Variants in NOX4 observed in about 807,000 individuals in gnomAD.
NOX4 encodes kidney oxidase-1.
NOX4 carries 69 observed loss-of-function variants against 87.6 expected under a neutral mutation model. That is an observed-to-expected ratio of 0.79 (90% CI 0.65 to 0.96). The LOEUF (loss-of-function observed/expected upper bound fraction) is 0.96, where lower values mean the gene tolerates loss of function less well. NOX4 is among the 40% of genes least tolerant of loss of function. The pLI is 0.00. For missense variants in NOX4, 680 were observed against 681.5 expected (o/e 1.00, Z 0.02); for synonymous variants, 275 against 238.2 (o/e 1.15, Z -1.42).
chr11:89,413,628 T>G (rs1168712153), intron 8 of NOX4, among the ~76,000 whole-genome samples: 1 of 151,970 alleles, frequency 6.6e-6, no homozygotes, highest in African/African-American at 2.4e-5. Flanking sequence ...AAATGAAAAC[T>G]GAACTCGTGA....
chr11:89,352,416 T>C (rs938803804), intron 13 of NOX4, among the ~76,000 whole-genome samples: 2 of 152,184 alleles, frequency 1.3e-5, no homozygotes, highest in African/African-American at 4.8e-5. Flanking sequence ...TGACTTTCAA[T>C]TGTTATTATT....
At chr11:89,481,316 C>G (rs1946382476) in intron 2 of NOX4, among the ~76,000 whole-genome samples, 1 of 151,496 alleles carries the variant, frequency 6.6e-6, no homozygotes, top group Non-Finnish European at 1.5e-5. Context: ...TGGTTCTATT[C>G]ATAATATTGA....
chr11:89,505,899 A>G, the NOX4 span, among the ~76,000 whole-genome samples: 2 of 151,868 alleles, frequency 1.3e-5, no homozygotes, highest in South Asian at 4.1e-4. Flanking sequence ...GGCTTTCAAG[A>G]CATTGGACAT....
rs780617130 is a variant in NOX4 at position 89,440,741 on chromosome 11, G to C, written c.448-26C>G. On this transcript the variant is annotated intron_variant, in intron 5 of 17. Coordinates refer to ENST00000263317, the MANE Select transcript of NOX4 (RefSeq NM_016931.5). Reference sequence around the variant, plus strand: ...CTGAGAAAAAGAAAAAAAAATAAATGATTAAAAACTAAAGCACTGATGATA... The same window carrying C: ...CTGAGAAAAAGAAAAAAAAATAAATCATTAAAAACTAAAGCACTGATGATA... 8 of 1,370,376 alleles carry C rather than the reference G, an allele frequency of 5.8e-6. No individual in the cohort carries two copies. In the African/African-American group the frequency reaches 1.2e-4, roughly 20 times the overall value. The allele number at this position is 1,370,376 out of a possible 1,614,324, so 84.9% of individuals were successfully genotyped here.
chr11:89,412,673 A>G (rs2135230947), intron 8 of NOX4, among the ~76,000 whole-genome samples: 1 of 152,208 alleles, frequency 6.6e-6, no homozygotes, highest in Admixed American at 6.6e-5. Flanking sequence ...TCCTAAATTA[A>G]AAAAATCAAA....
At chr11:89,331,613 G>A (rs189424463) in intron 17 of NOX4, among the ~76,000 whole-genome samples, 1 of 151,728 alleles carries the variant, frequency 6.6e-6, no homozygotes, top group Non-Finnish European at 1.5e-5. Context: ...ATGGCAATAA[G>A]ATACCATTAT....
intron 9 of NOX4, 150 bp from the exon 10 acceptor site, chr11:89,400,529 G>C: frequency 5.7e-6 from 3 of 523,334 alleles, no homozygotes; most frequent in Non-Finnish European, 9.6e-6. Flanking sequence ...AAAAATAATA[G>C]ATGCTCACTA....
chr11:89,565,629 T>C, the NOX4 span, among the ~76,000 whole-genome samples: 7 of 152,100 alleles, frequency 4.6e-5, no homozygotes, highest in African/African-American at 1.7e-4. Context: ...AAAATCCTTC[T>C]ATTAGATAAG....
At chr11:89,560,961 C>CATCTCTCTCTCTCTCTCTCTCT in the NOX4 span, among the ~76,000 whole-genome samples, 1 of 52,542 alleles carries the variant, frequency 1.9e-5, no homozygotes, top group African/African-American at 9.4e-5. Context: ...CATCTCATCT[C>CATCTCTCTCTCTCTCTCTCTCT]GTCTCTCTCT....
upstream of NOX4, among the ~76,000 whole-genome samples, chr11:89,491,811 T>G (rs1946868162): frequency 6.6e-6 from 1 of 150,522 alleles, no homozygotes; most frequent in Non-Finnish European, 1.5e-5. Flanking sequence ...CCCAAAAAAG[T>G]TCATCTCAAA....
At chr11:89,544,902 G>A in the NOX4 span, among the ~76,000 whole-genome samples, 1 of 151,714 alleles carries the variant, frequency 6.6e-6, no homozygotes. Context: ...CCTATGACCC[G>A]ACCCAATTAC....
At chr11:89,397,364 G>A (rs1249830656) in intron 11 of NOX4, among the ~76,000 whole-genome samples, 1 of 151,994 alleles carries the variant, frequency 6.6e-6, no homozygotes, top group African/African-American at 2.4e-5. Flanking sequence ...CAAGAGAAAG[G>A]AGGAAAGGTC....
At chr11:89,498,190 T>A (rs1367934292), upstream of NOX4, 1 of 152,126 alleles carries the variant, frequency 6.6e-6, no homozygotes, top group African/African-American at 2.4e-5. Context: ...TAGAAGTACT[T>A]TGAGGAAAAG....
intron 13 of NOX4, among the ~76,000 whole-genome samples, chr11:89,350,170 G>A (rs1946396337): frequency 6.6e-6 from 1 of 152,140 alleles, no homozygotes; most frequent in Non-Finnish European, 1.5e-5. Flanking sequence ...CCCTGGCTTT[G>A]GCAGTGGGTC....
chr11:89,386,499 C>G (rs571431340), intron 11 of NOX4, among the ~76,000 whole-genome samples: 1 of 152,046 alleles, frequency 6.6e-6, no homozygotes, highest in Non-Finnish European at 1.5e-5. Flanking sequence ...TACTTTTATA[C>G]GCACTGTTAT....
At chr11:89,561,853 T>C in the NOX4 span, among the ~76,000 whole-genome samples, 132 of 152,140 alleles carry the variant, frequency 8.7e-4, 1 homozygote, top group African/African-American at 3.1e-3. Flanking sequence ...AAAAACAGAA[T>C]TGGAGGTGGT....
At chr11:89,523,357 T>C in the NOX4 span, among the ~76,000 whole-genome samples, 1 of 152,142 alleles carries the variant, frequency 6.6e-6, no homozygotes, top group African/African-American at 2.4e-5. Flanking sequence ...GGTATACTGA[T>C]AACTTCAAGG....
At chr11:89,519,077 A>T in the NOX4 span, among the ~76,000 whole-genome samples, 2 of 152,070 alleles carry the variant, frequency 1.3e-5, no homozygotes, top group African/African-American at 4.8e-5. Flanking sequence ...GGTATCAAAT[A>T]ATAAACACCA....
the NOX4 span, among the ~76,000 whole-genome samples, chr11:89,513,513 A>G: frequency 1.3e-5 from 2 of 152,024 alleles, no homozygotes; most frequent in African/African-American, 4.8e-5. Context: ...TTATAATATA[A>G]TTTTTCAAAC....
Sources: allele counts gnomAD v4.1 joint callset (sites outside exome capture counted in the v4.1 genomes callset), GRCh38; gene constraint gnomAD v4.1.1; transcripts MANE v1.5; gene names NCBI Gene and HGNC (gene_info 2026-07-23, HGNC 2026-07-21).